LLGL2: variants seen among roughly 807,000 people sequenced by gnomAD.
LLGL2 encodes the protein LLGL2, scribble cell polarity complex component.
LLGL2 carries 81 observed loss-of-function variants against 123.2 expected under a neutral mutation model. That is an observed-to-expected ratio of 0.66 (90% CI 0.55 to 0.79). The LOEUF (loss-of-function observed/expected upper bound fraction) is 0.79. Among genes scored for constraint, LLGL2 ranks in the 30% least tolerant of loss-of-function variants. The pLI is 0.00. For missense variants in LLGL2, 1,273 were observed against 1,414.6 expected (o/e 0.90, Z 1.61); for synonymous variants, 577 against 594.1 (o/e 0.97, Z 0.42).
rs1344462422 is a variant in LLGL2, at chr17:75,549,942, C to T, written c.76-6104C>T. Among the ~76,000 whole-genome samples the T allele has an allele frequency of 3.9e-5, 6 of 152,240 alleles. No individual in the cohort carries two copies. The highest frequency in any genetic ancestry group is 1.2e-4 in the African/African-American group (5 of 41,462). The stretch of plus-strand genomic sequence containing the variant: ...TAACGTTGCAGTCTGGCGGCTTCTG[C>T]AAATCTTTGCTCTCCTTTCCCAACC... On this transcript the variant is annotated intron_variant, in intron 2 of 25. Transcript: ENST00000392550. The surrounding 1 kb of genome is among the most constrained non-coding windows in gnomAD (Gnocchi z 4.0).
intron 1 of LLGL2, among the ~76,000 whole-genome samples, chr17:75,539,176 G>A (rs1442096507): frequency 6.6e-6 from 1 of 152,088 alleles, no homozygotes; most frequent in African/African-American, 2.4e-5. Flanking sequence ...TTCCACCTTA[G>A]CCTTTTGAGT....
Position 75,551,799 on chromosome 17 carries a change from A to G in LLGL2, c.76-4247A>G, listed in dbSNP as rs139646711. On this transcript the variant is annotated intron_variant, in intron 2 of 25. Transcript: ENST00000392550. The stretch of plus-strand genomic sequence containing the variant: ...TGATTTAAAATTTCCTAGAAGCTGC[A>G]TTGTATAATTATTTAAACACGTGAA... Among the ~76,000 whole-genome samples, 48 of 152,346 alleles carry G rather than the reference A, an allele frequency of 3.2e-4. No homozygotes were observed. The East Asian group carries it at 8.1e-3, about 26-fold the overall frequency.
chr17:75,528,507 G>T (rs1279502625), intron 1 of LLGL2, among the ~76,000 whole-genome samples: 1 of 152,066 alleles, frequency 6.6e-6, no homozygotes. Flanking sequence ...GGGAGGCCAA[G>T]TTGGGCCGAT....
intron 2 of LLGL2, among the ~76,000 whole-genome samples, 191 bp downstream of exon 2, chr17:75,543,692 C>T (rs956457012): frequency 6.6e-6 from 1 of 152,152 alleles, no homozygotes; most frequent in African/African-American, 2.4e-5. Flanking sequence ...AGGTTGCCCT[C>T]ATGAGTTGGG....
chr17:75,533,075 C>T (rs1043520932), intron 1 of LLGL2, among the ~76,000 whole-genome samples: 3 of 152,030 alleles, frequency 2.0e-5, no homozygotes, highest in African/African-American at 7.2e-5. Context: ...TCTCGGCTCA[C>T]TGCAAGCTCT....
At chr17:75,530,417 G>A (rs937606894) in intron 1 of LLGL2, among the ~76,000 whole-genome samples, 1 of 152,118 alleles carries the variant, frequency 6.6e-6, no homozygotes, top group Admixed American at 6.6e-5. Context: ...TTGGGAGGCC[G>A]AGGCAGGCGG....
At position 75,549,868 on chromosome 17, in the gene LLGL2, A is replaced by G. The variant is rs913402374; in HGVS notation, c.76-6178A>G. Among the ~76,000 whole-genome samples, 10 of 152,204 alleles carry G rather than the reference A, an allele frequency of 6.6e-5. No individual in the cohort carries two copies. The highest frequency in any genetic ancestry group is 1.5e-4 in the Non-Finnish European group (10 of 68,038). ...ACTCGCTCCCCTTCCGGGACCTGGAAAGGAGTCCCAGAGCCCAGGAGAGAC... is the reference window on the plus strand; with the variant it reads ...ACTCGCTCCCCTTCCGGGACCTGGAGAGGAGTCCCAGAGCCCAGGAGAGAC... On this transcript the variant is annotated intron_variant, in intron 2 of 25. Coordinates refer to ENST00000392550, the MANE Select transcript of LLGL2 (RefSeq NM_001031803.2). This position sits in a 1 kb window ranked among gnomAD's most constrained non-coding sequence, Gnocchi z 4.0.
chr17:75,530,516 G>A (rs1276951111), intron 1 of LLGL2, among the ~76,000 whole-genome samples: 1 of 152,150 alleles, frequency 6.6e-6, no homozygotes, highest in African/African-American at 2.4e-5. Context: ...TGGGCATGGT[G>A]GTGGGCACCT....
At position 75,525,949 on chromosome 17, in the gene LLGL2, G is replaced by A. The variant is rs1385816577; in HGVS notation, c.-31+124G>A. On this transcript the variant is annotated intron_variant, in intron 1 of 25. Coordinates refer to ENST00000392550, the MANE Select transcript of LLGL2 (RefSeq NM_001031803.2). This position sits in a 1 kb window ranked among gnomAD's most constrained non-coding sequence, Gnocchi z 4.8. ...GCCAGGGCGGGAGGGCTGCGCCCAG[G>A]TCCGCGCGCCTCGCCCCTGTCCGCG... 1.3e-5 allele frequency: 2 copies of A among 152,156 alleles called. No homozygotes were observed. The highest frequency in any genetic ancestry group is 2.9e-5 in the Non-Finnish European group (2 of 68,028). The allele number at this position is 152,156 out of a possible 1,614,324, so 9.4% of individuals were successfully genotyped here.
intron 1 of LLGL2, among the ~76,000 whole-genome samples, chr17:75,538,019 C>G (rs1414099159): frequency 6.6e-6 from 1 of 152,102 alleles, no homozygotes; most frequent in Admixed American, 6.5e-5. Flanking sequence ...CTGTGTTGGC[C>G]AAGCTAGTCT....
chr17:75,571,085 A>G lies in LLGL2; in HGVS notation c.2161A>G (p.Thr721Ala). Residue 721 changes from threonine (T) to alanine (A), a missense_variant, in exon 17 of 26, where the codon ACC becomes GCC. Physicochemically the swap from Thr to Ala is moderately conservative, Grantham distance 58 (BLOSUM62 0). Coordinates refer to ENST00000392550, the MANE Select transcript of LLGL2 (RefSeq NM_001031803.2). ...CGTCCGGACCCTGTACTTTGCTGAC[A>G]CCTACCTGAAGGACAGTGAGTGGCC... ...GFVRTLYFADTYLKDSSRHCP... is the reference protein window; with the variant it reads ...GFVRTLYFADAYLKDSSRHCP... The G allele has an allele frequency of 6.3e-7, 1 of 1,588,252 alleles. No individual in the cohort carries two copies. The highest frequency in any genetic ancestry group is 1.1e-5 in the South Asian group (1 of 90,584).
chr17:75,550,803 A>C (rs113725132), intron 2 of LLGL2, among the ~76,000 whole-genome samples: 40,723 of 117,378 alleles, frequency 0.35, 7,372 homozygotes, highest in South Asian at 0.57. Context: ...AAAAAAAAAA[A>C]ACACACACAC....
At chr17:75,536,818 CATTT>C (rs965191053) in intron 1 of LLGL2, among the ~76,000 whole-genome samples, 8 of 152,104 alleles carry the variant, frequency 5.3e-5, no homozygotes, top group African/African-American at 1.7e-4. Context: ...GTCTTTTCTC[CATTT>C]ATTTATTTAT....
chr17:75,569,664 A>C lies in LLGL2; in HGVS notation c.1582-299A>C, dbSNP rs565398507. On this transcript the variant is annotated intron_variant, in intron 14 of 25. Transcript: ENST00000392550. The stretch of plus-strand genomic sequence containing the variant: ...CTAAAAATATAAAAATTAGCCAGGC[A>C]TTTGTGGCTCGTGCCTGTAATCCCA... 3.3e-5 allele frequency among the ~76,000 whole-genome samples: 5 copies of C among 152,122 alleles called. No homozygotes were observed. The South Asian group carries it at 1.0e-3, about 32-fold the overall frequency.
chr17:75,525,477 C>G (rs74520907), upstream of LLGL2, among the ~76,000 whole-genome samples: 15,348 of 151,778 alleles, frequency 0.1, 1,089 homozygotes, highest in African/African-American at 0.19. This position sits in a 1 kb window ranked among gnomAD's most constrained non-coding sequence, Gnocchi z 4.8. Context: ...CGTCCAGGTG[C>G]GCGCAGGTGA....
chr17:75,562,354 G>A (rs887848354), intron 6 of LLGL2: 5 of 152,966 alleles, frequency 3.3e-5, no homozygotes, highest in African/African-American at 1.2e-4. Context: ...CCTTCCTGCC[G>A]GGCATAGAAA....
chr17:75,560,492 TATTTC>T (rs1363533337), intron 6 of LLGL2, among the ~76,000 whole-genome samples: 6 of 152,114 alleles, frequency 3.9e-5, no homozygotes, highest in African/African-American at 7.2e-5. Context: ...TATTATATTT[TATTTC>T]ATTTTTGAGA....
At chr17:75,531,408 C>T (rs1352698418) in intron 1 of LLGL2, among the ~76,000 whole-genome samples, 1 of 152,214 alleles carries the variant, frequency 6.6e-6, no homozygotes, top group Non-Finnish European at 1.5e-5. Flanking sequence ...GTTGAGACCT[C>T]TGAGTTGGGG....
intron 3 of LLGL2, chr17:75,557,869 G>A: frequency 2.1e-6 from 1 of 467,300 alleles, no homozygotes. Context: ...GATCAGGGTG[G>A]CAGCCTGACA....
Sources: gnomAD v4.1 joint callset for allele counts (sites outside exome capture counted in the v4.1 genomes callset) on GRCh38, gnomAD v4.1.1 for gene constraint, Gnocchi (gnomAD v3.1) non-coding constraint, MANE v1.5 for transcripts, NCBI Gene and HGNC (gene_info 2026-07-23, HGNC 2026-07-21) for gene names.